RAPGEF5: variants seen among roughly 807,000 people sequenced by gnomAD.
RAPGEF5 encodes the protein M-Ras-regulated GEF.
Under a neutral mutation model 125.2 loss-of-function variants are expected in RAPGEF5, and 65 were observed. The observed-to-expected ratio is 0.52, with a 90% CI of 0.43 to 0.64. RAPGEF5 has a LOEUF of 0.64. Among genes scored for constraint, RAPGEF5 ranks in the 30% least tolerant of loss-of-function variants. RAPGEF5 has a pLI of 0.00. For missense variants in RAPGEF5, 958 were observed against 1,048.1 expected, an observed-to-expected ratio of 0.91 and a Z score of 1.19; for synonymous variants, 391 against 385.9, an observed-to-expected ratio of 1.01 and a Z score of -0.16.
intron 17 of RAPGEF5, among the ~76,000 whole-genome samples, chr7:22,153,685 T>C (rs2128108257): frequency 6.6e-6 from 1 of 152,314 alleles, no homozygotes; most frequent in Admixed American, 6.5e-5. Context: ...CCCGCATCTC[T>C]GGTTAATTAG....
chr7:22,160,593 T>C lies in RAPGEF5; in HGVS notation c.1451A>G (p.Asp484Gly). 1 of 1,542,198 alleles carries C rather than the reference T, an allele frequency of 6.5e-7. No homozygotes were observed. The stretch of plus-strand genomic sequence containing the variant: ...AAGTATTGGATATTCATAAACATCA[T>C]CCAGTACATTCCTATATATGGTCTG... ...FLKTIYRNVLDDVYEYPILEK... is the reference protein window; with the variant it reads ...FLKTIYRNVLGDVYEYPILEK... The change falls in exon 14 of 26, where the codon GAT (aspartate) becomes GGT (glycine). Residue 484 changes from aspartate (D) to glycine (G), a missense_variant. Coordinates refer to ENST00000665637, the MANE Select transcript of RAPGEF5 (RefSeq NM_012294.5).
At chr7:22,253,659 T>C (rs1786678552) in intron 7 of RAPGEF5, among the ~76,000 whole-genome samples, 1 of 152,192 alleles carries the variant, frequency 6.6e-6, no homozygotes, top group Admixed American at 6.5e-5. Context: ...AATATCTCTA[T>C]AGCTTTTTAA....
intron 7 of RAPGEF5, among the ~76,000 whole-genome samples, chr7:22,255,640 A>G (rs1350479368): frequency 6.6e-6 from 1 of 152,136 alleles, no homozygotes; most frequent in African/African-American, 2.4e-5. Context: ...ACCATTTTAT[A>G]CACTTTGATA....
intron 5 of RAPGEF5, among the ~76,000 whole-genome samples, chr7:22,306,041 T>C (rs1783331194): frequency 6.6e-6 from 1 of 152,204 alleles, no homozygotes; most frequent in Non-Finnish European, 1.5e-5. Context: ...TTTTGATATA[T>C]AATCTTTCTT....
At chr7:22,143,018 T>G (rs1236733220) in intron 20 of RAPGEF5, among the ~76,000 whole-genome samples, 4 of 152,216 alleles carry the variant, frequency 2.6e-5, no homozygotes, top group Non-Finnish European at 5.9e-5. Context: ...ATATATTTCA[T>G]TTCCCTGAGG....
rs55885957 is a variant in RAPGEF5, at chr7:22,316,350, TATAGATAGATAGATAG to T, written c.283-890_283-875del. Among the ~76,000 whole-genome samples, 88 of 145,124 alleles carry T rather than the reference TATAGATAGATAGATAG, an allele frequency of 6.1e-4. No homozygotes were observed. In the East Asian group the frequency reaches 0.016, roughly 26 times the overall value. ...TAGTAAATTTTTTATGTATCTACTA[TATAGATAGATAGATAG>T]ATAGATAGATAGATAGATTAAATGT... On this transcript the variant is annotated intron_variant, in intron 2 of 25. Transcript: ENST00000665637.
chr7:22,185,218 A>C (rs934145191), intron 11 of RAPGEF5, among the ~76,000 whole-genome samples: 2 of 152,242 alleles, frequency 1.3e-5, no homozygotes, highest in African/African-American at 2.4e-5. Context: ...TCAATCACTA[A>C]GCAACTGAAT....
In RAPGEF5 at chr7:22,274,856, A is replaced by G. The variant is rs1035826934; in HGVS notation, c.748-7844T>C. Among the ~76,000 whole-genome samples the G allele has an allele frequency of 2.0e-5, 3 of 152,182 alleles. No individual in the cohort carries two copies. The East Asian group carries it at 5.8e-4, about 29-fold the overall frequency. The stretch of plus-strand genomic sequence containing the variant: ...CCTAAAATATAAATTTTATAATATT[A>G]TATCTTTTCCCAAAAAACTCTTCAA... On this transcript the variant is annotated intron_variant, in intron 6 of 25. Coordinates refer to ENST00000665637, the MANE Select transcript of RAPGEF5 (RefSeq NM_012294.5).
chr7:22,147,086 T>C, intron 18 of RAPGEF5, 67 bp from the exon 19 acceptor site: 6 of 1,561,720 alleles, frequency 3.8e-6, no homozygotes, highest in Non-Finnish European at 5.2e-6. Context: ...TGGCTGGCTG[T>C]AGAAAGGCAC....
chr7:22,236,687 C>T (rs541962306), intron 7 of RAPGEF5, among the ~76,000 whole-genome samples: 17 of 152,280 alleles, frequency 1.1e-4, no homozygotes, highest in African/African-American at 2.9e-4. Context: ...TACGGCATGG[C>T]CTCTCCCTCC....
chr7:22,186,142 G>A (rs2128123405), intron 11 of RAPGEF5, among the ~76,000 whole-genome samples: 1 of 152,262 alleles, frequency 6.6e-6, no homozygotes, highest in South Asian at 2.1e-4. Flanking sequence ...AAAAGACTAA[G>A]TAGCAGCCCA....
chr7:22,337,688 CT>C (rs145086193), intron 1 of RAPGEF5, among the ~76,000 whole-genome samples: 15,582 of 152,212 alleles, frequency 0.1, 818 homozygotes, highest in South Asian at 0.17. Flanking sequence ...GGTCAGATCT[CT>C]TTCACTGTCA....
intron 1 of RAPGEF5, among the ~76,000 whole-genome samples, chr7:22,350,183 C>T (rs1460685174): frequency 1.3e-5 from 2 of 152,238 alleles, no homozygotes; most frequent in Middle Eastern, 3.4e-3. Context: ...CGCTCAAAGT[C>T]ACTACCAATG....
intron 1 of RAPGEF5, among the ~76,000 whole-genome samples, chr7:22,341,290 T>G (rs191527520): frequency 1.3e-5 from 2 of 152,260 alleles, no homozygotes; most frequent in East Asian, 3.9e-4. Context: ...TTCACTATCA[T>G]GAGAACAGCA....
At chr7:22,353,188 C>A (rs1232019671) in intron 1 of RAPGEF5, among the ~76,000 whole-genome samples, 2 of 152,112 alleles carry the variant, frequency 1.3e-5, no homozygotes, top group African/African-American at 4.8e-5. Context: ...GGATGTTCTA[C>A]AGCACAAATG....
chr7:22,293,612 A>G (rs1636894), intron 5 of RAPGEF5, among the ~76,000 whole-genome samples: 64,005 of 151,884 alleles, frequency 0.42, 14,582 homozygotes, highest in African/African-American at 0.61. Context: ...CCAGACTCCA[A>G]ACCTTCAAGG....
At chr7:22,217,039 T>A (rs1785654552) in intron 9 of RAPGEF5, among the ~76,000 whole-genome samples, 2 of 152,224 alleles carry the variant, frequency 1.3e-5, no homozygotes, top group South Asian at 4.1e-4. Flanking sequence ...GCTCTCTCTT[T>A]GGCATCTATG....
At chr7:22,285,040 C>G (rs745636969) in intron 6 of RAPGEF5, among the ~76,000 whole-genome samples, 1 of 152,106 alleles carries the variant, frequency 6.6e-6, no homozygotes, top group African/African-American at 2.4e-5. Context: ...CTTAAACGTG[C>G]CAGAACGCTC....
intron 17 of RAPGEF5, among the ~76,000 whole-genome samples, 180 bp downstream of exon 17, chr7:22,154,275 C>G (rs1436583833): frequency 6.6e-6 from 1 of 152,136 alleles, no homozygotes; most frequent in Non-Finnish European, 1.5e-5. Flanking sequence ...TTCAGTATCC[C>G]ACAGTACCCA....
Sources: gnomAD v4.1 joint callset for allele counts (sites outside exome capture counted in the v4.1 genomes callset) on GRCh38, gnomAD v4.1.1 for gene constraint, MANE v1.5 for transcripts, NCBI Gene and HGNC (gene_info 2026-07-23, HGNC 2026-07-21) for gene names.